The following CNTN5 variants were observed in gnomAD, a reference collection of about 807,000 sequenced individuals.
CNTN5 encodes contactin-5.
CNTN5 carries 77 observed loss-of-function variants against 129.1 expected under a neutral mutation model. The observed-to-expected ratio is 0.60, with a 90% CI of 0.50 to 0.72. CNTN5 has a LOEUF of 0.72. CNTN5 is among the 30% of genes least tolerant of loss of function. The pLI, the probability that CNTN5 is intolerant of heterozygous loss-of-function variation, is 0.00. For synonymous variants in CNTN5, 509 were observed against 465.6 expected, an observed-to-expected ratio of 1.09 and a Z score of -1.20; for missense variants, 1,478 against 1,328.8, an observed-to-expected ratio of 1.11 and a Z score of -1.75.
chr11:99,301,102 C>G (rs1350107551), intron 1 of CNTN5, among the ~76,000 whole-genome samples: 1 of 151,480 alleles, frequency 6.6e-6, no homozygotes, highest in Non-Finnish European at 1.5e-5. Context: ...CACTATTAAA[C>G]TAACTCAAAA....
At chr11:99,736,450 C>G (rs768233114) in intron 3 of CNTN5, among the ~76,000 whole-genome samples, 3 of 152,084 alleles carry the variant, frequency 2.0e-5, no homozygotes, top group Non-Finnish European at 2.9e-5. Flanking sequence ...TCATCAGCTG[C>G]CCAAGAAGGG....
chr11:99,751,050 A>T (rs1203181405), intron 3 of CNTN5, among the ~76,000 whole-genome samples: 1 of 152,190 alleles, frequency 6.6e-6, no homozygotes, highest in Non-Finnish European at 1.5e-5. Context: ...CCTCACGATT[A>T]TAACTTAAGG....
intron 1 of CNTN5, among the ~76,000 whole-genome samples, chr11:99,084,324 A>G (rs1450213655): frequency 2.0e-5 from 3 of 152,120 alleles, no homozygotes; most frequent in Non-Finnish European, 4.4e-5. Context: ...CTGCACTTTG[A>G]TTATTTAAGT....
At chr11:100,241,078 A>G (rs1172247231) in intron 16 of CNTN5, among the ~76,000 whole-genome samples, 1 of 152,190 alleles carries the variant, frequency 6.6e-6, no homozygotes, top group Admixed American at 6.5e-5. Context: ...TTAGCACCTC[A>G]TATGGTATTT....
intron 3 of CNTN5, among the ~76,000 whole-genome samples, chr11:99,702,645 CCAG>C (rs1042396695): frequency 1.1e-4 from 17 of 151,026 alleles, no homozygotes; most frequent in African/African-American, 4.1e-4. Context: ...CATATTCACT[CCAG>C]CAGCATTTAA....
At chr11:99,359,338 C>T (rs990848298) in intron 2 of CNTN5, among the ~76,000 whole-genome samples, 19 of 152,002 alleles carry the variant, frequency 1.2e-4, no homozygotes, top group African/African-American at 4.6e-4. Context: ...AGGCACTACT[C>T]CCATTCATGA....
At chr11:99,921,709 T>G (rs1949944178) in intron 7 of CNTN5, among the ~76,000 whole-genome samples, 1 of 152,190 alleles carries the variant, frequency 6.6e-6, no homozygotes, top group African/African-American at 2.4e-5. Context: ...TCACTGTTAT[T>G]ACCCCATTGC....
Position 99,960,978 on chromosome 11 carries a change from G to A in CNTN5, c.877+3969G>A, listed in dbSNP as rs556022815. ...AGCATTTTGGGAGGCCGTGGCGAGC[G>A]GATCACCTGAGATCAGGAGTTCAAG... On this transcript the variant is annotated intron_variant, in intron 8 of 24. Transcript: ENST00000524871. 8.5e-4 allele frequency among the ~76,000 whole-genome samples: 130 copies of A among 152,058 alleles called. No individual in the cohort carries two copies. In the South Asian group the frequency reaches 0.011, roughly 13 times the overall value.
intron 16 of CNTN5, among the ~76,000 whole-genome samples, chr11:100,234,535 C>T (rs1478654058): frequency 1.3e-5 from 2 of 151,852 alleles, no homozygotes; most frequent in African/African-American, 4.8e-5. Context: ...AGCTAACTAA[C>T]ACAAGAACAG....
chr11:100,103,890 TAC>T (rs1197093207), intron 13 of CNTN5, among the ~76,000 whole-genome samples: 1 of 152,134 alleles, frequency 6.6e-6, no homozygotes, highest in Non-Finnish European at 1.5e-5. Flanking sequence ...CACAACAGTT[TAC>T]AGAGATTTTT....
At chr11:99,247,244 T>A (rs1038568537) in intron 1 of CNTN5, among the ~76,000 whole-genome samples, 9 of 152,066 alleles carry the variant, frequency 5.9e-5, no homozygotes, top group African/African-American at 2.2e-4. Context: ...ATTTTTATTC[T>A]CTCTCCATTT....
At chr11:99,848,500 T>C (rs10893996) in intron 6 of CNTN5, among the ~76,000 whole-genome samples, 24,086 of 152,116 alleles carry the variant, frequency 0.16, 2,045 homozygotes, top group Non-Finnish European at 0.17. Flanking sequence ...GATTAAAGCA[T>C]ATTTAATCCA....
intron 2 of CNTN5, among the ~76,000 whole-genome samples, chr11:99,505,644 G>A (rs899919883): frequency 1.3e-5 from 2 of 152,096 alleles, no homozygotes; most frequent in African/African-American, 4.8e-5. Flanking sequence ...CTTTATACAC[G>A]TAAGGCTTGG....
intron 2 of CNTN5, among the ~76,000 whole-genome samples, chr11:99,443,472 A>ATAAG (rs1943925163): frequency 6.6e-6 from 1 of 152,218 alleles, no homozygotes. Flanking sequence ...AAACGTTGCA[A>ATAAG]TAAGTGTCAT....
intron 2 of CNTN5, among the ~76,000 whole-genome samples, chr11:99,443,268 A>G (rs1479186049): frequency 1.3e-5 from 2 of 152,222 alleles, no homozygotes; most frequent in African/African-American, 4.8e-5. Context: ...GGTGGATCTG[A>G]ATTACAAGCC....
chr11:99,051,527 CA>C (rs2135176242), intron 1 of CNTN5, among the ~76,000 whole-genome samples: 1 of 152,054 alleles, frequency 6.6e-6, no homozygotes, highest in African/African-American at 2.4e-5. Context: ...TTACTAGAAA[CA>C]AGCTTGGTTT....
intron 1 of CNTN5, among the ~76,000 whole-genome samples, chr11:99,171,949 T>C (rs532551246): frequency 2.0e-5 from 3 of 152,320 alleles, no homozygotes; most frequent in Admixed American, 6.5e-5. Context: ...GGGACTCAAA[T>C]TGATGTTCAT....
chr11:99,708,821 T>G (rs1003491660), intron 3 of CNTN5, among the ~76,000 whole-genome samples: 1 of 151,772 alleles, frequency 6.6e-6, no homozygotes, highest in Admixed American at 6.6e-5. Flanking sequence ...TCATTTTCTT[T>G]ATTCAGAGTT....
At chr11:99,769,569 A>T (rs935241311) in intron 3 of CNTN5, among the ~76,000 whole-genome samples, 2 of 152,124 alleles carry the variant, frequency 1.3e-5, no homozygotes, top group African/African-American at 4.8e-5. Context: ...TAGATGAAGT[A>T]AATTAAGAAT....
Sources: allele counts gnomAD v4.1 joint callset (sites outside exome capture counted in the v4.1 genomes callset), GRCh38; gene constraint gnomAD v4.1.1; transcripts MANE v1.5; gene names NCBI Gene and HGNC (gene_info 2026-07-23, HGNC 2026-07-21).